The following PRKCH variants were observed in gnomAD, a reference collection of about 807,000 sequenced individuals.
The protein encoded by PRKCH is protein kinase C eta.
A neutral mutation model predicts 82.5 loss-of-function variants in PRKCH; 28 were observed. That is an observed-to-expected ratio of 0.34 (90% CI 0.25 to 0.47). The LOEUF is 0.47. PRKCH is among the 20% of genes least tolerant of loss of function. The pLI is 1.00. For synonymous variants in PRKCH, 322 were observed against 327.4 expected (o/e 0.98, Z 0.18); for missense variants, 705 against 881.8 (o/e 0.80, Z 2.54).
At chr14:61,472,264 A>G (rs570648288) in intron 9 of PRKCH, among the ~76,000 whole-genome samples, 4 of 152,376 alleles carry the variant, frequency 2.6e-5, no homozygotes, top group African/African-American at 9.6e-5. Context: ...ATTTTTAAAA[A>G]GCAAGCAGTA....
intron 1 of PRKCH, among the ~76,000 whole-genome samples, chr14:61,294,130 T>A (rs187404447): frequency 1.6e-3 from 249 of 152,086 alleles, no homozygotes; most frequent in African/African-American, 5.5e-3. Context: ...TATTTTTATT[T>A]TTTTTTTTGA....
intron 1 of PRKCH, among the ~76,000 whole-genome samples, chr14:61,202,694 T>G (rs2044491586): frequency 6.6e-6 from 1 of 151,812 alleles, no homozygotes; most frequent in Non-Finnish European, 1.5e-5. Context: ...TTATCTCCAC[T>G]TACAAAAAAA....
Position 61,445,704 on chromosome 14 carries a change from G to A in PRKCH, c.591G>A (p.Gly197=). The change falls in exon 4 of 14, where the codon GGG becomes GGA. Residue 197 remains glycine, a synonymous_variant. Transcript: ENST00000332981. ...TTCTCTTCAACAGGGGAGTGTTTGG[G>A]AAACAGGGTTATCAGTGCCAAGGTA... ...HCREFIWGVF[G]KQGYQCQVCT... The A allele has an allele frequency of 6.2e-7, 1 of 1,610,402 alleles. No individual in the cohort carries two copies. Among genetic ancestry groups the A allele is most frequent in the Non-Finnish European group, 8.5e-7 (1 of 1,176,610 alleles).
At chr14:61,410,606 G>T (rs1166549379) in intron 2 of PRKCH, among the ~76,000 whole-genome samples, 2 of 152,202 alleles carry the variant, frequency 1.3e-5, no homozygotes, top group Non-Finnish European at 2.9e-5. Flanking sequence ...CCAATGGAGT[G>T]AGGCAAAGAG....
intron 2 of PRKCH, among the ~76,000 whole-genome samples, chr14:61,394,061 ATTGT>A (rs375784378): frequency 3.9e-5 from 6 of 152,168 alleles, no homozygotes; most frequent in African/African-American, 1.4e-4. Flanking sequence ...ATGTGGCTTA[ATTGT>A]TTGTATTTTT....
At chr14:61,240,868 T>A (rs1437572628) in intron 1 of PRKCH, among the ~76,000 whole-genome samples, 1 of 152,162 alleles carries the variant, frequency 6.6e-6, no homozygotes, top group Non-Finnish European at 1.5e-5. Flanking sequence ...CAGTTTCTCC[T>A]ACTATACTCT....
intron 1 of PRKCH, among the ~76,000 whole-genome samples, chr14:61,264,153 G>A (rs1224011574): frequency 6.6e-6 from 1 of 152,082 alleles, no homozygotes; most frequent in Non-Finnish European, 1.5e-5. Flanking sequence ...TCTTCCTGGA[G>A]TGCCTGCTGC....
intron 2 of PRKCH, among the ~76,000 whole-genome samples, chr14:61,406,778 G>A (rs1881973552): frequency 6.6e-6 from 1 of 152,030 alleles, no homozygotes; most frequent in East Asian, 1.9e-4. Flanking sequence ...TCCACTTCAC[G>A]CTGACTTTCT....
chr14:61,464,485 A>G (rs7160090), intron 9 of PRKCH, among the ~76,000 whole-genome samples: 3,715 of 152,062 alleles, frequency 0.024, 162 homozygotes, highest in African/African-American at 0.085. Flanking sequence ...TGCTGCACCT[A>G]TCAACTGGTC....
intron 1 of PRKCH, among the ~76,000 whole-genome samples, chr14:61,295,085 C>T (rs1382031573): frequency 3.3e-5 from 5 of 152,090 alleles, no homozygotes; most frequent in Admixed American, 6.5e-5. Flanking sequence ...AGGCTGGTCT[C>T]GAACTTCCAG....
chr14:61,383,785 G>A (rs888852793), intron 1 of PRKCH, among the ~76,000 whole-genome samples: 3 of 152,206 alleles, frequency 2.0e-5, no homozygotes, highest in Admixed American at 6.5e-5. Flanking sequence ...AGCCAGGAGA[G>A]GGGCCTGACT....
chr14:61,414,864 C>T (rs909535625), intron 2 of PRKCH, among the ~76,000 whole-genome samples: 1 of 152,124 alleles, frequency 6.6e-6, no homozygotes, highest in Non-Finnish European at 1.5e-5. Context: ...TAAAAGCATT[C>T]CCCCTCTGCC....
intron 12 of PRKCH, among the ~76,000 whole-genome samples, chr14:61,536,141 C>G (rs1204515966): frequency 2.0e-5 from 3 of 151,914 alleles, no homozygotes; most frequent in Non-Finnish European, 4.4e-5. Flanking sequence ...TCTCTTAAAT[C>G]CAGTCTCGGG....
chr14:61,412,726 C>G (rs1566867277), intron 2 of PRKCH, among the ~76,000 whole-genome samples: 2 of 152,214 alleles, frequency 1.3e-5, no homozygotes, highest in Non-Finnish European at 2.9e-5. Context: ...GGTTTCTCAG[C>G]AATTCTAAAA....
At chr14:61,536,781 A>G (rs2043115453) in intron 12 of PRKCH, among the ~76,000 whole-genome samples, 1 of 152,108 alleles carries the variant, frequency 6.6e-6, no homozygotes, top group African/African-American at 2.4e-5. Flanking sequence ...CTGGCAAGGC[A>G]GGCTCCAGCA....
intron 1 of PRKCH, among the ~76,000 whole-genome samples, chr14:61,351,946 C>T (rs952281679): frequency 6.6e-6 from 1 of 152,092 alleles, no homozygotes; most frequent in Non-Finnish European, 1.5e-5. Flanking sequence ...CTCAGATTAA[C>T]CCTGGGAAGC....
At chr14:61,194,639 G>A (rs2044429165) in intron 1 of PRKCH, among the ~76,000 whole-genome samples, 1 of 152,150 alleles carries the variant, frequency 6.6e-6, no homozygotes, top group South Asian at 2.1e-4. Context: ...AACAGACTAA[G>A]ACATCCATTT....
At chr14:61,536,868 C>T (rs867564458) in intron 12 of PRKCH, among the ~76,000 whole-genome samples, 5 of 152,132 alleles carry the variant, frequency 3.3e-5, no homozygotes, top group Admixed American at 1.3e-4. Context: ...CCTCTCCACC[C>T]GCAACACCCC....
chr14:61,344,769 A>G (rs1032860485), intron 1 of PRKCH, among the ~76,000 whole-genome samples: 67 of 152,010 alleles, frequency 4.4e-4, no homozygotes, highest in Non-Finnish European at 1.5e-4. Flanking sequence ...TATTTCTAGA[A>G]GTTCCTCCCG....
Sources: gnomAD v4.1 joint callset for allele counts (sites outside exome capture counted in the v4.1 genomes callset) on GRCh38, gnomAD v4.1.1 for gene constraint, MANE v1.5 for transcripts, NCBI Gene and HGNC (gene_info 2026-07-23, HGNC 2026-07-21) for gene names.